Variants in SAMD5 observed in about 807,000 individuals in gnomAD.
SAMD5 encodes sterile alpha motif domain containing 5.
A neutral mutation model predicts 11.3 loss-of-function variants in SAMD5; 13 were observed. That is an observed-to-expected ratio of 1.15 (90% CI 0.75 to 1.83). The LOEUF (loss-of-function observed/expected upper bound fraction) is 1.83, where lower values mean the gene tolerates loss of function less well. Ranked by LOEUF, SAMD5 falls within the 40% of genes most tolerant of loss-of-function variation. The pLI is 0.00. For synonymous variants in SAMD5, 129 were observed against 111.3 expected (o/e 1.16, Z -1.00); for missense variants, 255 against 239.1 (o/e 1.07, Z -0.44).
At chr6:147,830,619 GTTTA>G in the SAMD5 span, among the ~76,000 whole-genome samples, 2 of 151,944 alleles carry the variant, frequency 1.3e-5, no homozygotes, top group Non-Finnish European at 2.9e-5. Context: ...GGTGAACTTT[GTTTA>G]TTTGTTTTCC....
chr6:147,542,995 C>G (rs1028112882), intron 1 of SAMD5, among the ~76,000 whole-genome samples: 5 of 152,192 alleles, frequency 3.3e-5, no homozygotes, highest in African/African-American at 9.6e-5. Flanking sequence ...CTTTCACTAT[C>G]TCAGTTATAA....
the SAMD5 span, among the ~76,000 whole-genome samples, chr6:147,820,390 C>T: frequency 8.0e-4 from 121 of 152,150 alleles, no homozygotes; most frequent in African/African-American, 2.7e-3. Flanking sequence ...TTGGAATATC[C>T]TATTATAATT....
chr6:147,823,572 C>A, the SAMD5 span, among the ~76,000 whole-genome samples: 2 of 152,100 alleles, frequency 1.3e-5, no homozygotes, highest in Non-Finnish European at 2.9e-5. Context: ...CATATCTATA[C>A]CTATGTAACA....
intron 1 of SAMD5, among the ~76,000 whole-genome samples, chr6:147,646,671 G>T (rs551868593): frequency 2.0e-5 from 3 of 152,236 alleles, no homozygotes; most frequent in Admixed American, 6.5e-5. Context: ...TTTAGAATTA[G>T]AGTAATCATG....
intron 1 of SAMD5, among the ~76,000 whole-genome samples, chr6:147,525,408 A>T (rs990316360): frequency 4.7e-5 from 7 of 150,226 alleles, no homozygotes; most frequent in Admixed American, 6.7e-5. Context: ...GAGTGGGAAT[A>T]CATTTTGAAA....
At chr6:147,678,960 A>G (rs1790903028) in intron 1 of SAMD5, among the ~76,000 whole-genome samples, 1 of 152,082 alleles carries the variant, frequency 6.6e-6, no homozygotes, top group South Asian at 2.1e-4. Flanking sequence ...TCAATAGTTC[A>G]TTGCTTTTTA....
chr6:147,521,842 C>A (rs1788259368), intron 1 of SAMD5, among the ~76,000 whole-genome samples: 1 of 151,008 alleles, frequency 6.6e-6, no homozygotes, highest in Admixed American at 6.6e-5. Context: ...AATTTTAAAA[C>A]CTTCTTTAAA....
chr6:147,744,189 A>G, the SAMD5 span, among the ~76,000 whole-genome samples: 1 of 152,250 alleles, frequency 6.6e-6, no homozygotes, highest in African/African-American at 2.4e-5. Flanking sequence ...CTGCCTATTT[A>G]CTAGCTGTGT....
At chr6:147,537,610 C>T (rs1228683671) in intron 1 of SAMD5, among the ~76,000 whole-genome samples, 3 of 151,478 alleles carry the variant, frequency 2.0e-5, no homozygotes, top group African/African-American at 4.9e-5. Flanking sequence ...AAAAAATTAG[C>T]GGGCGTGGTG....
the SAMD5 span, among the ~76,000 whole-genome samples, chr6:147,920,950 A>G: frequency 6.6e-6 from 1 of 152,232 alleles, no homozygotes; most frequent in African/African-American, 2.4e-5. Flanking sequence ...CTCTGTTACA[A>G]TTATTTTACA....
At chr6:147,867,374 C>T in the SAMD5 span, among the ~76,000 whole-genome samples, 2 of 147,106 alleles carry the variant, frequency 1.4e-5, no homozygotes, top group African/African-American at 2.5e-5. Context: ...AAGATATCTT[C>T]GGACTTGGTG....
At chr6:147,756,891 A>G in the SAMD5 span, among the ~76,000 whole-genome samples, 1 of 152,246 alleles carries the variant, frequency 6.6e-6, no homozygotes, top group Non-Finnish European at 1.5e-5. Context: ...GTTGGCATTA[A>G]AATTGTGGCT....
chr6:147,548,125 A>G (rs894020437), intron 1 of SAMD5, among the ~76,000 whole-genome samples: 1 of 152,106 alleles, frequency 6.6e-6, no homozygotes, highest in African/African-American at 2.4e-5. Flanking sequence ...AATAATAGCC[A>G]ATTAAGAGAA....
chr6:147,925,488 G>T, the SAMD5 span, among the ~76,000 whole-genome samples: 1 of 142,112 alleles, frequency 7.0e-6, no homozygotes, highest in African/African-American at 2.7e-5. Context: ...ATTAAGAATA[G>T]AATTTTTTTT....
the SAMD5 span, among the ~76,000 whole-genome samples, chr6:147,851,061 C>T: frequency 2.0e-5 from 3 of 151,540 alleles, no homozygotes; most frequent in Non-Finnish European, 2.9e-5. Context: ...ATTCTCCTAC[C>T]TCAGCCTCCC....
chr6:147,611,591 A>C (rs1365547490), intron 1 of SAMD5, among the ~76,000 whole-genome samples: 2 of 152,072 alleles, frequency 1.3e-5, no homozygotes, highest in African/African-American at 2.4e-5. Context: ...ATAAATAAAT[A>C]AATCACCGCA....
rs754551587 is a variant in SAMD5 at position 147,509,257 on chromosome 6, C to T, written c.329C>T (p.Ser110Phe). 2 of 1,535,420 alleles carry T rather than the reference C, an allele frequency of 1.3e-6. No homozygotes were observed. Among genetic ancestry groups the T allele is most frequent in the Non-Finnish European group, 1.7e-6 (2 of 1,144,142 alleles). ...GGPAQGTRGD[S>F]RGHTTAPRSR... ...CCGGCCCAGGGCACCCGCGGGGACT[C>T]TCGCGGCCACACGACCGCCCCCCGC... Residue 110 changes from serine to phenylalanine, a missense_variant, in exon 1 of 2, where the codon TCT (serine) becomes TTT (phenylalanine). Coordinates refer to ENST00000367474, the MANE Select transcript of SAMD5 (RefSeq NM_001030060.3).
the SAMD5 span, among the ~76,000 whole-genome samples, chr6:147,865,310 ATAAGTGTGTGTG>A: frequency 2.4e-5 from 3 of 124,768 alleles, no homozygotes; most frequent in Non-Finnish European, 5.1e-5. Flanking sequence ...ATGTAGGTAT[ATAAGTGTGTGTG>A]TGTGTGTGTG....
At chr6:147,594,779 A>G (rs755028534) in intron 1 of SAMD5, among the ~76,000 whole-genome samples, 4 of 152,184 alleles carry the variant, frequency 2.6e-5, no homozygotes, top group Non-Finnish European at 2.9e-5. Flanking sequence ...CATATGAAGA[A>G]AATTGGGGTC....
Sources: gnomAD v4.1 joint callset for allele counts (sites outside exome capture counted in the v4.1 genomes callset) on GRCh38, gnomAD v4.1.1 for gene constraint, MANE v1.5 for transcripts, NCBI Gene and HGNC (gene_info 2026-07-23, HGNC 2026-07-21) for gene names.